SLIT3: variants seen among roughly 807,000 people sequenced by gnomAD.
The protein encoded by SLIT3 is slit guidance ligand 3, also known as slit homolog 3 protein.
In SLIT3, 68 loss-of-function variants were observed where a neutral mutation model predicts 184.0. The ratio of observed to expected loss-of-function variants is 0.37; its 90% CI spans 0.30 to 0.45. The LOEUF (loss-of-function observed/expected upper bound fraction) is 0.45, where lower values mean the gene tolerates loss of function less well. Among genes scored for constraint, SLIT3 ranks in the 20% least tolerant of loss-of-function variants. The probability of loss-of-function intolerance (pLI) is 1.00; values close to 1 mark genes in which losing one functional copy is unlikely to be tolerated. For synonymous variants in SLIT3, 831 were observed against 828.6 expected, an observed-to-expected ratio of 1.00 and a Z score of -0.05; for missense variants, 1,707 against 2,026.0, an observed-to-expected ratio of 0.84 and a Z score of 3.02.
At chr5:169,172,191 C>T (rs890273420) in intron 4 of SLIT3, among the ~76,000 whole-genome samples, 4 of 152,148 alleles carry the variant, frequency 2.6e-5, no homozygotes, top group East Asian at 1.9e-4. Context: ...TGAAATGGGA[C>T]CACAGAATTG....
chr5:168,746,549 G>A (rs1276809813), intron 20 of SLIT3, among the ~76,000 whole-genome samples: 1 of 118,606 alleles, frequency 8.4e-6, no homozygotes, highest in Non-Finnish European at 1.7e-5. Context: ...GGTGGTGTGC[G>A]GTGGTGTGGG....
At chr5:169,106,802 C>T (rs1760227847) in intron 4 of SLIT3, among the ~76,000 whole-genome samples, 1 of 152,190 alleles carries the variant, frequency 6.6e-6, no homozygotes, top group African/African-American at 2.4e-5. Flanking sequence ...CAAATATCAC[C>T]CATCCTTATG....
At chr5:168,759,380 C>T (rs35757941) in intron 16 of SLIT3, among the ~76,000 whole-genome samples, 57,529 of 151,972 alleles carry the variant, frequency 0.38, 11,462 homozygotes, top group East Asian at 0.65. Flanking sequence ...TAATGTTGAA[C>T]TCATGGCCAG....
At chr5:168,770,271 G>A (rs919157032) in intron 14 of SLIT3, among the ~76,000 whole-genome samples, 4 of 152,218 alleles carry the variant, frequency 2.6e-5, no homozygotes, top group Admixed American at 6.5e-5. Flanking sequence ...GAAACCAGAC[G>A]CCCTGCCTAA....
chr5:169,184,624 C>G (rs1397960027), intron 4 of SLIT3, among the ~76,000 whole-genome samples: 1 of 152,198 alleles, frequency 6.6e-6, no homozygotes, highest in African/African-American at 2.4e-5. Context: ...AGTCAAATCC[C>G]CCGGTCCATT....
intron 4 of SLIT3, among the ~76,000 whole-genome samples, chr5:169,160,722 C>T (rs930150276): frequency 3.3e-5 from 5 of 152,144 alleles, no homozygotes; most frequent in African/African-American, 4.8e-5. Flanking sequence ...GCACTGAGCT[C>T]GTTTACTTTC....
At chr5:168,922,954 A>G (rs1761691012) in intron 4 of SLIT3, among the ~76,000 whole-genome samples, 1 of 152,182 alleles carries the variant, frequency 6.6e-6, no homozygotes, top group Admixed American at 6.5e-5. Flanking sequence ...TATGTAGCGA[A>G]AGTCTTAGCA....
chr5:168,759,225 A>AC (rs778698620), intron 16 of SLIT3, among the ~76,000 whole-genome samples: 1 of 152,216 alleles, frequency 6.6e-6, no homozygotes, highest in Non-Finnish European at 1.5e-5. Flanking sequence ...ATTAGTGAAT[A>AC]CCAAAGCATT....
chr5:169,022,930 C>T (rs1756658471), intron 4 of SLIT3: 1 of 151,996 alleles, frequency 6.6e-6, no homozygotes, highest in Non-Finnish European at 1.5e-5. Flanking sequence ...AGAAAATGGG[C>T]AAAAGGTGAA....
intron 4 of SLIT3, among the ~76,000 whole-genome samples, chr5:169,053,445 A>G (rs1201807229): frequency 1.3e-5 from 2 of 152,144 alleles, no homozygotes; most frequent in Admixed American, 1.3e-4. Context: ...CTTCCTCTCT[A>G]GGGGAGTTCT....
intron 4 of SLIT3, among the ~76,000 whole-genome samples, chr5:168,910,494 A>G (rs972833118): frequency 6.6e-6 from 1 of 152,174 alleles, no homozygotes; most frequent in African/African-American, 2.4e-5. Context: ...CTGTAATCTC[A>G]GCACTTTGGG....
intron 3 of SLIT3, among the ~76,000 whole-genome samples, chr5:169,232,838 G>T (rs1304811065): frequency 6.6e-6 from 1 of 152,128 alleles, no homozygotes; most frequent in Admixed American, 6.5e-5. Flanking sequence ...GATTAGGACT[G>T]CCCTGAATCC....
chr5:168,962,311 AAC>A (rs70979116), intron 4 of SLIT3, among the ~76,000 whole-genome samples: 181 of 147,432 alleles, frequency 1.2e-3, no homozygotes, highest in Admixed American at 1.8e-3. Flanking sequence ...CCCACCCCAC[AAC>A]ACACACACAC....
At chr5:168,887,527 G>A (rs1345924622) in intron 4 of SLIT3, among the ~76,000 whole-genome samples, 1 of 152,162 alleles carries the variant, frequency 6.6e-6, no homozygotes, top group Non-Finnish European at 1.5e-5. Context: ...TCATCAGTTA[G>A]TTGTGAGAGC....
At chr5:169,115,570 C>G (rs151261793) in intron 4 of SLIT3, among the ~76,000 whole-genome samples, 286 of 152,222 alleles carry the variant, frequency 1.9e-3, no homozygotes, top group African/African-American at 6.4e-3. Flanking sequence ...ACAGGCAGAC[C>G]AAGGCAATGT....
intron 4 of SLIT3, among the ~76,000 whole-genome samples, chr5:169,144,875 A>G (rs1256311131): frequency 6.6e-6 from 1 of 152,060 alleles, no homozygotes; most frequent in African/African-American, 2.4e-5. Flanking sequence ...CAAGACGGAA[A>G]ATGTTGCCTG....
At position 169,222,988 on chromosome 5, in the gene SLIT3, G is replaced by A. The variant is rs150652614; in HGVS notation, c.341+21717C>T. Among the ~76,000 whole-genome samples, 347 of 152,272 alleles carry A rather than the reference G, an allele frequency of 2.3e-3. 2 individuals are homozygous for A. The highest frequency in any genetic ancestry group is 4.1e-3 in the Non-Finnish European group (282 of 68,026). On this transcript the variant is annotated intron_variant, in intron 3 of 35. Coordinates refer to ENST00000519560, the MANE Select transcript of SLIT3 (RefSeq NM_003062.4). ...CTGCTTCTCACCGGAGAAACTAGACGCTACATGGAAAATTCCATGCCACAG... is the reference window on the plus strand; with the variant it reads ...CTGCTTCTCACCGGAGAAACTAGACACTACATGGAAAATTCCATGCCACAG...
At chr5:168,889,886 G>C (rs1044182548) in intron 4 of SLIT3, among the ~76,000 whole-genome samples, 1 of 152,174 alleles carries the variant, frequency 6.6e-6, no homozygotes. Flanking sequence ...GCTCATGCCT[G>C]TAATCCCAGC....
chr5:169,092,020 G>A (rs1048692455), intron 4 of SLIT3, among the ~76,000 whole-genome samples: 12 of 152,248 alleles, frequency 7.9e-5, no homozygotes, highest in East Asian at 3.9e-4. Flanking sequence ...TTGGAAGTTC[G>A]AGACCAGCCT....
Sources: gnomAD v4.1 joint callset for allele counts (sites outside exome capture counted in the v4.1 genomes callset) on GRCh38, gnomAD v4.1.1 for gene constraint, MANE v1.5 for transcripts, NCBI Gene and HGNC (gene_info 2026-07-23, HGNC 2026-07-21) for gene names.